SNX24: variants seen among roughly 807,000 people sequenced by gnomAD.
The protein encoded by SNX24 is sorting nexin 24.
SNX24 carries 22 observed loss-of-function variants against 28.7 expected under a neutral mutation model. The ratio of observed to expected loss-of-function variants is 0.77; its 90% CI spans 0.55 to 1.10. The LOEUF (loss-of-function observed/expected upper bound fraction) is 1.10. Among genes scored for constraint, SNX24 ranks in the 50% least tolerant of loss-of-function variants. SNX24 has a pLI of 0.00. For synonymous variants in SNX24, 69 were observed against 71.5 expected, an observed-to-expected ratio of 0.96 and a Z score of 0.18; for missense variants, 221 against 201.1, an observed-to-expected ratio of 1.10 and a Z score of -0.60.
At chr5:122,988,204 A>T (rs1761685754) in intron 3 of SNX24, among the ~76,000 whole-genome samples, 1 of 152,098 alleles carries the variant, frequency 6.6e-6, no homozygotes, top group African/African-American at 2.4e-5. Context: ...TGTTGTTTTT[A>T]GGAGTACCTT....
At chr5:122,858,535 A>G (rs1450872784) in intron 1 of SNX24, among the ~76,000 whole-genome samples, 3 of 152,232 alleles carry the variant, frequency 2.0e-5, no homozygotes, top group Non-Finnish European at 4.4e-5. Flanking sequence ...ATAAATTTCT[A>G]GCAGTGGTTA....
chr5:122,872,466 T>G (rs1184530406), intron 1 of SNX24, among the ~76,000 whole-genome samples: 2 of 152,134 alleles, frequency 1.3e-5, no homozygotes, highest in Non-Finnish European at 2.9e-5. Flanking sequence ...CCTGAATTTG[T>G]AAGTACGGCC....
chr5:122,987,533 G>T (rs908264351), intron 3 of SNX24, among the ~76,000 whole-genome samples: 1 of 152,234 alleles, frequency 6.6e-6, no homozygotes, highest in Non-Finnish European at 1.5e-5. Flanking sequence ...GTGTTTAGCA[G>T]CTTGGGTAGA....
chr5:122,909,627 G>A (rs1757794099), intron 1 of SNX24, among the ~76,000 whole-genome samples: 1 of 152,308 alleles, frequency 6.6e-6, no homozygotes. Flanking sequence ...AATCCCTAGG[G>A]TGGTTCATCA....
At chr5:122,917,044 G>A (rs573767694) in intron 1 of SNX24, among the ~76,000 whole-genome samples, 50 of 152,186 alleles carry the variant, frequency 3.3e-4, no homozygotes, top group Middle Eastern at 3.4e-3. Context: ...TGAGGGGGAC[G>A]GATCACGAGG....
chr5:122,931,437 A>AT (rs1439532890), intron 1 of SNX24, among the ~76,000 whole-genome samples: 1 of 152,186 alleles, frequency 6.6e-6, no homozygotes, highest in Non-Finnish European at 1.5e-5. Context: ...AGCACCTGAC[A>AT]ATAGGCACAC....
At chr5:122,964,789 A>G (rs919911475) in intron 3 of SNX24, among the ~76,000 whole-genome samples, 1 of 152,194 alleles carries the variant, frequency 6.6e-6, no homozygotes, top group Non-Finnish European at 1.5e-5. Context: ...GCCAAATATC[A>G]TATTTTCATC....
At chr5:122,982,884 T>C (rs910879321) in intron 3 of SNX24, 1 of 152,176 alleles carries the variant, frequency 6.6e-6, no homozygotes, top group African/African-American at 2.4e-5. Flanking sequence ...CATTAAATAT[T>C]GTGTAGGCAT....
chr5:122,967,747 T>C (rs993891280), intron 3 of SNX24, among the ~76,000 whole-genome samples: 5 of 152,198 alleles, frequency 3.3e-5, no homozygotes, highest in Admixed American at 2.6e-4. Context: ...GGTGGACTTA[T>C]GAGTTATATT....
chr5:122,963,834 T>C (rs1760587840), intron 3 of SNX24, among the ~76,000 whole-genome samples: 2 of 152,208 alleles, frequency 1.3e-5, no homozygotes, highest in South Asian at 4.1e-4. Flanking sequence ...CAGGTTAATA[T>C]ATTTTAATAA....
At chr5:122,911,938 G>C (rs1430908946) in intron 1 of SNX24, among the ~76,000 whole-genome samples, 1 of 149,178 alleles carries the variant, frequency 6.7e-6, no homozygotes. Flanking sequence ...GCTTAGGATT[G>C]ACTTGGCGAT....
At chr5:123,023,772 T>TAAAAA (rs528773387) in intron 5 of SNX24, 1 of 759,074 alleles carries the variant, frequency 1.3e-6, no homozygotes, top group Non-Finnish European at 1.8e-6. Flanking sequence ...AAAAAGAAAG[T>TAAAAA]AAAAAAAAAA....
chr5:122,903,359 C>T (rs1423100269), intron 1 of SNX24, among the ~76,000 whole-genome samples: 1 of 152,174 alleles, frequency 6.6e-6, no homozygotes, highest in African/African-American at 2.4e-5. Context: ...GATCCACTCA[C>T]CTCAGCCTTT....
At chr5:122,889,415 AC>A (rs1276288658) in intron 1 of SNX24, among the ~76,000 whole-genome samples, 1 of 151,828 alleles carries the variant, frequency 6.6e-6, no homozygotes, top group Non-Finnish European at 1.5e-5. Flanking sequence ...AAAATTCAAA[AC>A]TTTTTTGTGT....
chr5:122,856,708 G>A (rs1241316100), intron 1 of SNX24, among the ~76,000 whole-genome samples: 1 of 151,920 alleles, frequency 6.6e-6, no homozygotes, highest in African/African-American at 2.4e-5. Context: ...TAGAGATGGG[G>A]TTTCACCATG....
chr5:122,848,605 A>T (rs1305695610), intron 1 of SNX24, among the ~76,000 whole-genome samples: 1 of 151,406 alleles, frequency 6.6e-6, no homozygotes. Flanking sequence ...GCTACTTGGG[A>T]GGCTGATACA....
chr5:122,999,477 CAT>C (rs1491586587), intron 3 of SNX24, among the ~76,000 whole-genome samples: 4,821 of 151,928 alleles, frequency 0.032, 120 homozygotes, highest in East Asian at 0.04. Context: ...CACACACACA[CAT>C]GTATACATAA....
chr5:122,959,108 C>T (rs1373298446), intron 3 of SNX24, among the ~76,000 whole-genome samples: 1 of 151,974 alleles, frequency 6.6e-6, no homozygotes, highest in Non-Finnish European at 1.5e-5. Context: ...TTAATGAAGC[C>T]ATCAGGTCCA....
At chr5:123,028,338 T>G (rs915855953) in intron 5 of SNX24, among the ~76,000 whole-genome samples, 2 of 152,236 alleles carry the variant, frequency 1.3e-5, no homozygotes, top group African/African-American at 4.8e-5. Context: ...GAAAGTGCGC[T>G]GTGACCCTGC....
Sources: gnomAD v4.1 joint callset for allele counts (sites outside exome capture counted in the v4.1 genomes callset) on GRCh38, gnomAD v4.1.1 for gene constraint, MANE v1.5 for transcripts, NCBI Gene and HGNC (gene_info 2026-07-23, HGNC 2026-07-21) for gene names.